TMEM87B: variants seen among roughly 807,000 people sequenced by gnomAD.
The protein encoded by TMEM87B is transmembrane protein 87B.
A neutral mutation model predicts 80.3 loss-of-function variants in TMEM87B; 83 were observed. That is an observed-to-expected ratio of 1.03 (90% confidence interval 0.87 to 1.24). The LOEUF (loss-of-function observed/expected upper bound fraction) is 1.24, where lower values mean the gene tolerates loss of function less well. TMEM87B is among the 50% of genes most tolerant of loss of function. The probability of loss-of-function intolerance (pLI) is 0.00; values close to 1 mark genes in which losing one functional copy is unlikely to be tolerated. For synonymous variants in TMEM87B, 219 were observed against 230.5 expected (o/e 0.95, Z 0.45); for missense variants, 625 against 674.4 (o/e 0.93, Z 0.81).
chr2:112,116,028 A>G, intron 18 of TMEM87B, 56 bp from the exon 19 acceptor site: 1 of 1,450,522 alleles, frequency 6.9e-7, no homozygotes, highest in Middle Eastern at 1.8e-4. Flanking sequence ...AATTTTTGTT[A>G]GGGTTCTGGA....
rs528080084 is a variant in TMEM87B at position 112,116,386 on chromosome 2, A to G, written c.*243A>G. 8 of 387,542 alleles carry G rather than the reference A, an allele frequency of 2.1e-5. No individual in the cohort carries two copies. In the South Asian group the frequency reaches 3.0e-4, roughly 15 times the overall value. 24.0% of individuals were successfully genotyped at this position (387,542 alleles called of 1,614,324 possible). On this transcript the variant is annotated 3_prime_UTR_variant, in exon 19 of 19. Transcript: ENST00000283206. ...ACCTGAGGAAAGTATTATGATAAAGATCTGCACAGATGCCTCTTAGCTGAT... is the reference window on the plus strand; with the variant it reads ...ACCTGAGGAAAGTATTATGATAAAGGTCTGCACAGATGCCTCTTAGCTGAT...
At chr2:112,094,596 C>T (rs1558844724) in intron 11 of TMEM87B, among the ~76,000 whole-genome samples, 2 of 152,108 alleles carry the variant, frequency 1.3e-5, no homozygotes, top group South Asian at 4.1e-4. Flanking sequence ...TAATTTATTA[C>T]CTTTATGAAC....
At position 112,067,213 on chromosome 2, in the gene TMEM87B, C is replaced by G. The variant is rs899149401; in HGVS notation, c.450+146C>G. The G allele has an allele frequency of 3.7e-6, 4 of 1,086,512 alleles. No homozygotes were observed. In the African/African-American group the frequency reaches 6.5e-5, roughly 18 times the overall value. The allele number at this position is 1,086,512 out of a possible 1,614,324, so 67.3% of individuals were successfully genotyped here. ...AAGTTTATTTTATTCCCACTGAATA[C>G]AAGTATCAACTGAAGTACTGTTTTA... On this transcript the variant is annotated intron_variant, in intron 4 of 18. Coordinates refer to ENST00000283206, the MANE Select transcript of TMEM87B (RefSeq NM_032824.3).
intron 10 of TMEM87B, among the ~76,000 whole-genome samples, chr2:112,089,991 T>C (rs982519716): frequency 1.3e-5 from 2 of 152,250 alleles, no homozygotes; most frequent in East Asian, 1.9e-4. Flanking sequence ...TTGTTCTTCA[T>C]AGAGAACATT....
intron 4 of TMEM87B, among the ~76,000 whole-genome samples, chr2:112,073,281 G>A (rs898268631): frequency 2.0e-5 from 3 of 152,088 alleles, no homozygotes; most frequent in Non-Finnish European, 2.9e-5. Flanking sequence ...TAGCTATGTC[G>A]CAGAGATTCT....
In TMEM87B at chr2:112,081,888, T is replaced by C. The variant is rs116601539; in HGVS notation, c.838+370T>C. Among the ~76,000 whole-genome samples the C allele has an allele frequency of 1.5e-3, 231 of 152,206 alleles. 2 individuals carry two copies. Among genetic ancestry groups the C allele is most frequent in the African/African-American group, 4.9e-3 (205 of 41,522 alleles). ...CCCCACATCTTCTTTTCTTTCTCCT[T>C]CTCCTTCAAAAAACGAAAGGAAATT... is the stretch of plus-strand genomic sequence containing the variant. On this transcript the variant is annotated intron_variant, in intron 8 of 18. Transcript: ENST00000283206.
intron 15 of TMEM87B, among the ~76,000 whole-genome samples, chr2:112,104,546 AT>A (rs1319098015): frequency 6.6e-6 from 1 of 152,224 alleles, no homozygotes; most frequent in Non-Finnish European, 1.5e-5. Context: ...AATGGTTAAA[AT>A]TAAAAAGTCT....
At chr2:112,066,897 G>T (rs1383265027) in intron 3 of TMEM87B, 39 bp from the exon 4 acceptor site, 4 of 1,504,984 alleles carry the variant, frequency 2.7e-6, no homozygotes, top group Non-Finnish European at 3.6e-6. Context: ...GATAAGAAGT[G>T]TGGGAATAAA....
At chr2:112,097,544 G>A (rs915265087) in intron 13 of TMEM87B, among the ~76,000 whole-genome samples, 3 of 151,854 alleles carry the variant, frequency 2.0e-5, no homozygotes, top group Non-Finnish European at 4.4e-5. Context: ...GGCTAACACA[G>A]TGAAACCCCG....
chr2:112,064,169 A>C lies in TMEM87B; in HGVS notation c.234A>C (p.Ser78=). The part of the protein sequence containing the change: ...NSTDIKLSVK[S]FHCSGPVKFT... ...CTTTCTTTTTCTAAACAGTTAAGTC[A>C]TTCCATTGTTCTGGGCCTGTGAAGT... Residue 78 remains serine, a synonymous_variant, in exon 3 of 19, where the codon TCA becomes TCC. Coordinates refer to ENST00000283206, the MANE Select transcript of TMEM87B (RefSeq NM_032824.3). The C allele has an allele frequency of 6.2e-7, 1 of 1,613,544 alleles. No homozygotes were observed. The highest frequency in any genetic ancestry group is 8.5e-7 in the Non-Finnish European group (1 of 1,179,738).
At chr2:112,071,568 A>G (rs1299860835) in intron 4 of TMEM87B, among the ~76,000 whole-genome samples, 1 of 152,080 alleles carries the variant, frequency 6.6e-6, no homozygotes, top group African/African-American at 2.4e-5. Flanking sequence ...TGGCCTCCCA[A>G]AGTGCTGGGA....
rs890927146 is a variant in TMEM87B at position 112,081,199 on chromosome 2, G to A, written c.654+81G>A. 3 of 1,471,340 alleles carry A rather than the reference G, an allele frequency of 2.0e-6. No homozygotes were observed. The African/African-American group carries it at 4.2e-5, about 21-fold the overall frequency. The allele number at this position is 1,471,340 out of a possible 1,614,324, so 91.1% of individuals were successfully genotyped here. ...GCTTTGTGGTAGTAATTCCTCAGTAGTTAATGCTTTGACATATCCTGTATT... is the reference window on the plus strand; with the variant it reads ...GCTTTGTGGTAGTAATTCCTCAGTAATTAATGCTTTGACATATCCTGTATT... On this transcript the variant is annotated intron_variant, in intron 7 of 18. Coordinates refer to ENST00000283206, the MANE Select transcript of TMEM87B (RefSeq NM_032824.3).
chr2:112,055,509 G>A lies in TMEM87B; in HGVS notation c.-83G>A, dbSNP rs1573670295. ...AGTCCGAGCCCCGCGTCCCGGATTCGGACCCGCCTGCCTGGGGCGGTGCTG... is the reference window on the plus strand; with the variant it reads ...AGTCCGAGCCCCGCGTCCCGGATTCAGACCCGCCTGCCTGGGGCGGTGCTG... On this transcript the variant is annotated 5_prime_UTR_variant, in exon 1 of 19. Transcript: ENST00000283206. 1.5e-6 allele frequency: 2 copies of A among 1,377,270 alleles called. No homozygotes were observed. Among genetic ancestry groups the A allele is most frequent in the Admixed American group, 3.4e-5 (1 of 29,538 alleles). 85.3% of individuals were successfully genotyped at this position (1,377,270 alleles called of 1,614,324 possible).
At position 112,097,273 on chromosome 2, in the gene TMEM87B, A is replaced by T. The variant is rs1467669117; in HGVS notation, c.1254A>T (p.Arg418Ser). The T allele has an allele frequency of 6.2e-7, 1 of 1,606,148 alleles. No homozygotes were observed. Among genetic ancestry groups the T allele is most frequent in the Non-Finnish European group, 8.5e-7 (1 of 1,177,928 alleles). ...VFMGWTTKTF[R>S]IAKCQSDWME... ...TGGGGTGGACAACTAAGACATTTAG[A>T]ATTGCAAAATGCCAATCAGTAAGTA... is the stretch of plus-strand genomic sequence containing the variant. The change falls in exon 13 of 19, where the codon AGA (arginine) becomes AGT (serine). Residue 418 changes from arginine (R) to serine (S), a missense_variant. Arg to Ser is a moderately radical substitution (Grantham distance 110). Coordinates refer to ENST00000283206, the MANE Select transcript of TMEM87B (RefSeq NM_032824.3).
At chr2:112,100,996 A>T (rs1265788622) in intron 15 of TMEM87B, among the ~76,000 whole-genome samples, 1 of 152,172 alleles carries the variant, frequency 6.6e-6, no homozygotes, top group Non-Finnish European at 1.5e-5. Flanking sequence ...CATCTTGATG[A>T]TTGCTAAGTT....
intron 15 of TMEM87B, 89 bp from the exon 16 acceptor site, chr2:112,105,911 GAT>G: frequency 1.1e-6 from 1 of 887,702 alleles, no homozygotes; most frequent in East Asian, 3.2e-5. Context: ...TTTCTAAAAA[GAT>G]ATAGTATTTT....
At chr2:112,069,248 A>C (rs931587026) in intron 4 of TMEM87B, among the ~76,000 whole-genome samples, 1 of 150,766 alleles carries the variant, frequency 6.6e-6, no homozygotes, top group Non-Finnish European at 1.5e-5. Context: ...TTGTTGTACG[A>C]ATTATTTCCA....
At chr2:112,112,130 T>C (rs978032878) in intron 17 of TMEM87B, among the ~76,000 whole-genome samples, 2 of 152,208 alleles carry the variant, frequency 1.3e-5, no homozygotes, top group Non-Finnish European at 2.9e-5. Context: ...TCCTCTGGCG[T>C]TGTGCGTGGC....
At position 112,060,031 on chromosome 2, in the gene TMEM87B, T is replaced by C. The variant is rs1469254057; in HGVS notation, c.220T>C (p.Leu74=). ...TATGTTTAACTCTACAGATATCAAGTTATCTGGTAAGTATAATAAAACAAT... is the reference window on the plus strand; with the variant it reads ...TATGTTTAACTCTACAGATATCAAGCTATCTGGTAAGTATAATAAAACAAT... ...KTMFNSTDIK[L]SVKSFHCSGP... is the part of the protein sequence containing the mutation. Residue 74 remains leucine (L), a synonymous_variant, in exon 2 of 19, where the codon TTA becomes CTA. Transcript: ENST00000283206. 6.3e-7 allele frequency: 1 copy of C among 1,585,824 alleles called. No individual in the cohort carries two copies. Among genetic ancestry groups the C allele is most frequent in the Non-Finnish European group, 8.6e-7 (1 of 1,161,836 alleles).
Sources: allele counts gnomAD v4.1 joint callset (sites outside exome capture counted in the v4.1 genomes callset), GRCh38; gene constraint gnomAD v4.1.1; transcripts MANE v1.5; gene names NCBI Gene and HGNC (gene_info 2026-07-23, HGNC 2026-07-21).